SLIT2: variants seen among roughly 807,000 people sequenced by gnomAD.
The protein encoded by SLIT2 is slit guidance ligand 2.
SLIT2 carries 41 observed loss-of-function variants against 185.7 expected under a neutral mutation model. The ratio of observed to expected loss-of-function variants is 0.22; its 90% CI spans 0.17 to 0.29. SLIT2 has a LOEUF of 0.29. Among genes scored for constraint, SLIT2 ranks in the 10% least tolerant of loss-of-function variants. SLIT2 has a pLI of 1.00. For missense variants in SLIT2, 1,571 were observed against 1,909.0 expected, an observed-to-expected ratio of 0.82 and a Z score of 3.30; for synonymous variants, 693 against 680.2, an observed-to-expected ratio of 1.02 and a Z score of -0.29.
Position 20,502,866 on chromosome 4 carries a change from G to A in SLIT2, c.915-7629G>A, listed in dbSNP as rs145242912. Reference sequence around the variant, plus strand: ...GAATGGAGGGTGGTTTGAAAGAAAGGAGCCCACTGAGAATGCACTAGCAGC... The same window carrying A: ...GAATGGAGGGTGGTTTGAAAGAAAGAAGCCCACTGAGAATGCACTAGCAGC... On this transcript the variant is annotated intron_variant, in intron 9 of 36. Transcript: ENST00000504154. 2.1e-3 allele frequency among the ~76,000 whole-genome samples: 317 copies of A among 152,094 alleles called. 3 individuals carry two copies. The highest frequency in any genetic ancestry group is 3.1e-3 in the Non-Finnish European group (213 of 67,972).
chr4:20,538,602 T>C (rs1312418271), intron 18 of SLIT2, among the ~76,000 whole-genome samples: 1 of 152,200 alleles, frequency 6.6e-6, no homozygotes, highest in Non-Finnish European at 1.5e-5. Context: ...TCAGGAATTC[T>C]GAATACGATT....
intron 8 of SLIT2, 67 bp downstream of exon 8, chr4:20,489,049 C>A: frequency 7.8e-7 from 1 of 1,286,334 alleles, no homozygotes; most frequent in Non-Finnish European, 1.1e-6. Context: ...AATGTGAGGG[C>A]TGCATGCGTC....
At chr4:20,316,653 A>G (rs1252427037) in intron 4 of SLIT2, among the ~76,000 whole-genome samples, 1 of 151,448 alleles carries the variant, frequency 6.6e-6, no homozygotes, top group Non-Finnish European at 1.5e-5. Flanking sequence ...ATATATAAAT[A>G]TGTTTTATAT....
rs1719607069 is a variant in SLIT2, at chr4:20,510,495, A to G, written c.915A>G (p.Ile305Met). 11 of 1,606,312 alleles carry G rather than the reference A, an allele frequency of 6.8e-6. No individual in the cohort carries two copies. The highest frequency in any genetic ancestry group is 9.4e-6 in the Non-Finnish European group (11 of 1,173,690). Residue 305 changes from isoleucine to methionine, a missense_variant and splice_region_variant, in exon 10 of 37, where the codon ATA becomes ATG. By Grantham distance (10) the Ile-to-Met change is conservative (BLOSUM62 1). Around this residue, in one of 3 missense-constraint regions of SLIT2, gnomAD observed 1,202 missense variants for 1,416.4 expected, o/e 0.85. Transcript: ENST00000504154. ...PTNLPETITE[I>M]RLEQNTIKVI... ...AAAGTTGAATTTTTTTTCATTGCAG[A>G]CGTTTGGAACAGAACACAATCAAAG...
intron 9 of SLIT2, among the ~76,000 whole-genome samples, chr4:20,507,007 A>G (rs1183396483): frequency 6.6e-6 from 1 of 152,024 alleles, no homozygotes; most frequent in Non-Finnish European, 1.5e-5. Flanking sequence ...TCCATGGTAC[A>G]TGTCATTGTA....
intron 29 of SLIT2, among the ~76,000 whole-genome samples, chr4:20,571,494 C>T (rs1161591704): frequency 1.3e-5 from 2 of 152,126 alleles, no homozygotes; most frequent in Non-Finnish European, 2.9e-5. Context: ...AAATTTCTAA[C>T]AACCATCTGC....
intron 4 of SLIT2, among the ~76,000 whole-genome samples, chr4:20,339,497 G>A (rs1337097932): frequency 6.6e-6 from 1 of 152,152 alleles, no homozygotes; most frequent in African/African-American, 2.4e-5. Context: ...GGAATCTTCA[G>A]AGGAAATGGT....
chr4:20,595,793 T>TG lies in SLIT2; in HGVS notation c.3280dup (p.Ala1094GlyfsTer19). On this transcript the variant is annotated frameshift_variant, in exon 31 of 37. Transcript: ENST00000504154. LOFTEE classifies it high-confidence loss of function. The stretch of plus-strand genomic sequence containing the variant: ...GTAAAAACGGAGCCCACTGCACAGA[T>TG]GCAGTGAACGGCTATACGTGCATAT... 6.2e-7 allele frequency: 1 copy of TG among 1,614,118 alleles called. No homozygotes were observed. Among genetic ancestry groups the TG allele is most frequent in the Non-Finnish European group, 8.5e-7 (1 of 1,179,984 alleles).
At chr4:20,328,876 G>T (rs1291509894) in intron 4 of SLIT2, among the ~76,000 whole-genome samples, 1 of 152,052 alleles carries the variant, frequency 6.6e-6, no homozygotes, top group African/African-American at 2.4e-5. Context: ...ATGTGTGTAT[G>T]TACATGTGTG....
At chr4:20,282,386 A>G (rs115129796) in intron 4 of SLIT2, among the ~76,000 whole-genome samples, 366 of 152,316 alleles carry the variant, frequency 2.4e-3, no homozygotes, top group African/African-American at 8.0e-3. Context: ...ACCCCCAATC[A>G]TAAGTGTGAT....
At chr4:20,515,999 T>C (rs529234191) in intron 11 of SLIT2, among the ~76,000 whole-genome samples, 2 of 152,322 alleles carry the variant, frequency 1.3e-5, no homozygotes, top group Non-Finnish European at 2.9e-5. Context: ...GTATTTTTAG[T>C]AGAGACAGGG....
chr4:20,321,485 A>G (rs544050812), intron 4 of SLIT2, among the ~76,000 whole-genome samples: 1 of 152,270 alleles, frequency 6.6e-6, no homozygotes, highest in South Asian at 2.1e-4. Flanking sequence ...GGTGTGTAGG[A>G]CCCCAGTGAC....
At chr4:20,352,663 C>T (rs1280713624) in intron 4 of SLIT2, among the ~76,000 whole-genome samples, 1 of 152,154 alleles carries the variant, frequency 6.6e-6, no homozygotes, top group Non-Finnish European at 1.5e-5. Context: ...CCTGTAATCC[C>T]AGCACTTTGG....
chr4:20,356,790 CCTT>C (rs1239328281), intron 4 of SLIT2, among the ~76,000 whole-genome samples: 3 of 152,114 alleles, frequency 2.0e-5, no homozygotes, highest in Non-Finnish European at 4.4e-5. Flanking sequence ...TGGAAACGCT[CCTT>C]CTTCAGTGCA....
At chr4:20,606,443 C>T (rs1261251841) in intron 33 of SLIT2, among the ~76,000 whole-genome samples, 1 of 151,556 alleles carries the variant, frequency 6.6e-6, no homozygotes, top group Non-Finnish European at 1.5e-5. Context: ...AATTATGTCA[C>T]CGTACTCCAG....
At chr4:20,497,923 C>G (rs1718376938) in intron 9 of SLIT2, among the ~76,000 whole-genome samples, 1 of 152,168 alleles carries the variant, frequency 6.6e-6, no homozygotes, top group Non-Finnish European at 1.5e-5. Flanking sequence ...CCTGTAATCT[C>G]AGCACTTTTA....
Position 20,567,492 on chromosome 4 carries a change from G to A in SLIT2, c.2851-26G>A, listed in dbSNP as rs763642316. On this transcript the variant is annotated intron_variant, in intron 27 of 36. Transcript: ENST00000504154. Reference sequence around the variant, plus strand: ...GTATGTGCCAAGAACTACTTCACTCGACTATACTTGCCCCTTCTTCTCCAG... The same window carrying A: ...GTATGTGCCAAGAACTACTTCACTCAACTATACTTGCCCCTTCTTCTCCAG... 11 of 1,609,856 alleles carry A rather than the reference G, an allele frequency of 6.8e-6. No homozygotes were observed. In the South Asian group the frequency reaches 1.1e-4, roughly 16 times the overall value.
chr4:20,342,585 T>C (rs1358245303), intron 4 of SLIT2, among the ~76,000 whole-genome samples: 1 of 152,156 alleles, frequency 6.6e-6, no homozygotes, highest in African/African-American at 2.4e-5. Context: ...CTAATTAATC[T>C]ATGATTTAGA....
chr4:20,331,965 T>C (rs954509485), intron 4 of SLIT2, among the ~76,000 whole-genome samples: 24 of 152,232 alleles, frequency 1.6e-4, no homozygotes, highest in African/African-American at 5.8e-4. Flanking sequence ...TTATTCCTTT[T>C]TACTGCAGAA....
Sources: allele counts gnomAD v4.1 joint callset (sites outside exome capture counted in the v4.1 genomes callset), GRCh38; gene constraint gnomAD v4.1.1; regional missense constraint gnomAD v4.1.1; transcripts MANE v1.5; gene names NCBI Gene and HGNC (gene_info 2026-07-23, HGNC 2026-07-21).